Variants in PTPRD observed in about 807,000 individuals in gnomAD.
PTPRD encodes receptor-type tyrosine-protein phosphatase delta.
A neutral mutation model predicts 214.5 loss-of-function variants in PTPRD; 34 were observed. The ratio of observed to expected loss-of-function variants is 0.16; its 90% CI spans 0.12 to 0.21. PTPRD has a LOEUF of 0.21. PTPRD is among the 10% of genes least tolerant of loss of function. The pLI is 1.00. For missense variants in PTPRD, 2,545 were observed against 2,398.7 expected (o/e 1.06, Z -1.27); for synonymous variants, 1,128 against 845.7 (o/e 1.33, Z -5.79).
At chr9:10,032,674 T>C (rs143802639) in intron 4 of PTPRD, among the ~76,000 whole-genome samples, 32 of 152,244 alleles carry the variant, frequency 2.1e-4, no homozygotes, top group Non-Finnish European at 3.7e-4. Context: ...TTAGAATTAG[T>C]ATTTTTGAAG....
intron 11 of PTPRD, among the ~76,000 whole-genome samples, chr9:8,871,974 A>G (rs1457600103): frequency 1.3e-5 from 2 of 152,174 alleles, no homozygotes; most frequent in Non-Finnish European, 2.9e-5. Context: ...TCTGCAAGCC[A>G]GCAGCCTGTG....
intron 14 of PTPRD, among the ~76,000 whole-genome samples, chr9:8,588,324 A>G (rs1056678722): frequency 3.9e-5 from 6 of 152,180 alleles, no homozygotes; most frequent in Admixed American, 3.3e-4. Flanking sequence ...TAGTCTTTAT[A>G]TTTTGAAGAA....
At chr9:9,151,292 T>G (rs1390016615) in intron 10 of PTPRD, among the ~76,000 whole-genome samples, 1 of 152,138 alleles carries the variant, frequency 6.6e-6, no homozygotes, top group East Asian at 1.9e-4. Context: ...ACTTAGCAAA[T>G]CAAAAGCAAT....
intron 3 of PTPRD, among the ~76,000 whole-genome samples, chr9:10,308,998 T>C (rs2096181606): frequency 6.6e-6 from 1 of 152,056 alleles, no homozygotes; most frequent in Admixed American, 6.6e-5. Context: ...AATTGTTGGG[T>C]CTAAGATATA....
At chr9:10,110,511 G>A (rs982150781) in intron 3 of PTPRD, among the ~76,000 whole-genome samples, 4 of 152,144 alleles carry the variant, frequency 2.6e-5, no homozygotes, top group Admixed American at 2.0e-4. Flanking sequence ...GAATCACAGA[G>A]AGAAAGAATT....
intron 3 of PTPRD, among the ~76,000 whole-genome samples, chr9:10,110,990 G>A (rs2098686592): frequency 6.6e-6 from 1 of 152,080 alleles, no homozygotes; most frequent in Non-Finnish European, 1.5e-5. Context: ...GGATAAAATT[G>A]TCTTTCTGGA....
intron 32 of PTPRD, among the ~76,000 whole-genome samples, chr9:8,461,100 G>A (rs972994149): frequency 6.6e-6 from 1 of 152,026 alleles, no homozygotes; most frequent in Non-Finnish European, 1.5e-5. Flanking sequence ...GCTTCTTAGT[G>A]CTTGGTACTA....
At chr9:10,085,351 AT>A (rs1430630154) in intron 3 of PTPRD, among the ~76,000 whole-genome samples, 1 of 151,842 alleles carries the variant, frequency 6.6e-6, no homozygotes, top group Non-Finnish European at 1.5e-5. Context: ...GGCCAAAATA[AT>A]TTTGAATATA....
chr9:9,714,081 C>G (rs966451221), intron 7 of PTPRD, among the ~76,000 whole-genome samples: 4 of 113,352 alleles, frequency 3.5e-5, no homozygotes, highest in African/African-American at 1.4e-4. Context: ...AGATGTTGTT[C>G]ACTTGCGCAA....
intron 5 of PTPRD, among the ~76,000 whole-genome samples, chr9:9,900,251 C>G (rs963084720): frequency 6.6e-6 from 1 of 152,150 alleles, no homozygotes; most frequent in African/African-American, 2.4e-5. Flanking sequence ...TTTGTACTCC[C>G]ATATTTGATC....
rs371951087 is a variant in PTPRD, at chr9:8,929,855, A to ATG, written c.-104+88840_-104+88841dup. ...TGTGTATATATATGTGTGTATATAT[A>ATG]TGTGTATATACATGTGTGTGTATAT... On this transcript the variant is annotated intron_variant, in intron 11 of 45. Transcript: ENST00000381196. Among the ~76,000 whole-genome samples, 459 of 66,138 alleles carry ATG rather than the reference A, an allele frequency of 6.9e-3. 25 individuals are homozygous for ATG. The highest frequency in any genetic ancestry group is 0.052 in the East Asian group (32 of 610). The allele number at this position is 66,138 out of a possible 152,430, so 43.4% of individuals were successfully genotyped here. A position where few individuals can be genotyped will look rare whatever the true frequency, so the allele number is the denominator to read the frequency against.
intron 3 of PTPRD, among the ~76,000 whole-genome samples, chr9:10,034,858 T>C (rs1201067552): frequency 6.6e-6 from 1 of 152,204 alleles, no homozygotes; most frequent in Non-Finnish European, 1.5e-5. Flanking sequence ...TTACACGTTT[T>C]TGCTATTGTG....
At chr9:8,797,252 A>C (rs1600114212) in intron 11 of PTPRD, 1 of 152,364 alleles carries the variant, frequency 6.6e-6, no homozygotes, top group East Asian at 1.9e-4. Context: ...GTAAATCCTA[A>C]TACGATTGCC....
chr9:8,747,188 A>G (rs1220644563), intron 11 of PTPRD, among the ~76,000 whole-genome samples: 6 of 152,198 alleles, frequency 3.9e-5, no homozygotes, highest in African/African-American at 1.4e-4. Context: ...TTTAATCATG[A>G]ATATTTATAT....
intron 2 of PTPRD, among the ~76,000 whole-genome samples, chr9:10,571,043 CCTTA>C (rs1412222650): frequency 2.0e-5 from 3 of 152,004 alleles, no homozygotes; most frequent in South Asian, 2.1e-4. Flanking sequence ...CATTAATCTT[CCTTA>C]CTATTTTATG....
At chr9:8,398,482 T>C (rs1205156629) in intron 36 of PTPRD, among the ~76,000 whole-genome samples, 1 of 152,146 alleles carries the variant, frequency 6.6e-6, no homozygotes, top group African/African-American at 2.4e-5. Flanking sequence ...TTTAAATATA[T>C]GACCCTTTCT....
intron 3 of PTPRD, among the ~76,000 whole-genome samples, chr9:10,150,453 T>G (rs906607781): frequency 2.6e-5 from 4 of 151,940 alleles, no homozygotes; most frequent in African/African-American, 9.7e-5. Context: ...TAGGTGGGAA[T>G]TGAACAACGA....
intron 2 of PTPRD, among the ~76,000 whole-genome samples, chr9:10,475,603 A>G (rs1039736727): frequency 5.3e-5 from 8 of 152,088 alleles, no homozygotes; most frequent in Non-Finnish European, 1.2e-4. Flanking sequence ...CAAACAATAG[A>G]AAAAAAGGGA....
chr9:9,038,666 T>C (rs548219262), intron 10 of PTPRD, among the ~76,000 whole-genome samples: 1 of 151,128 alleles, frequency 6.6e-6, no homozygotes, highest in African/African-American at 2.4e-5. Context: ...GTGCTTCTCC[T>C]GACTCAACCT....
Sources: allele counts gnomAD v4.1 joint callset (sites outside exome capture counted in the v4.1 genomes callset), GRCh38; gene constraint gnomAD v4.1.1; transcripts MANE v1.5; gene names NCBI Gene and HGNC (gene_info 2026-07-23, HGNC 2026-07-21).